Variants in PLCB4 observed in about 807,000 individuals in gnomAD.
The protein encoded by PLCB4 is 1-phosphatidylinositol 4,5-bisphosphate phosphodiesterase beta-4.
A neutral mutation model predicts 178.8 loss-of-function variants in PLCB4; 77 were observed. The ratio of observed to expected loss-of-function variants is 0.43; its 90% CI spans 0.36 to 0.52. PLCB4 has a LOEUF of 0.52. Among genes scored for constraint, PLCB4 ranks in the 20% least tolerant of loss-of-function variants. The pLI, the probability that PLCB4 is intolerant of heterozygous loss-of-function variation, is 0.00. For synonymous variants in PLCB4, 496 were observed against 490.8 expected (o/e 1.01, Z -0.14); for missense variants, 1,024 against 1,453.4 (o/e 0.70, Z 4.80).
chr20:9,476,827 AT>A, intron 39 of PLCB4, 74 bp downstream of exon 39: 1 of 971,740 alleles, frequency 1.0e-6, no homozygotes, highest in Non-Finnish European at 1.7e-6. Flanking sequence ...TGCAGTCTCC[AT>A]TTATGAGTCA....
chr20:9,464,927 T>G (rs954398249), intron 35 of PLCB4, among the ~76,000 whole-genome samples: 2 of 152,204 alleles, frequency 1.3e-5, no homozygotes, highest in African/African-American at 2.4e-5. Flanking sequence ...CCCTAACTCA[T>G]TCTATGAGGC....
At chr20:9,257,302 A>C (rs956078013) in intron 3 of PLCB4, among the ~76,000 whole-genome samples, 2 of 152,230 alleles carry the variant, frequency 1.3e-5, no homozygotes, top group Non-Finnish European at 2.9e-5. Flanking sequence ...ATGTCCTAAA[A>C]TGACACAAGT....
chr20:9,447,898 A>G (rs1485779372), intron 32 of PLCB4, among the ~76,000 whole-genome samples: 13 of 152,128 alleles, frequency 8.5e-5, no homozygotes, highest in Admixed American at 6.5e-4. Flanking sequence ...GCAATCATGA[A>G]CCTATCAGGG....
chr20:9,177,082 G>C (rs903855567), intron 2 of PLCB4, among the ~76,000 whole-genome samples: 1 of 152,012 alleles, frequency 6.6e-6, no homozygotes, highest in Non-Finnish European at 1.5e-5. Flanking sequence ...ATCAAATAAG[G>C]AATCAAATGA....
Position 9,109,762 on chromosome 20 carries a change from C to T in PLCB4, c.-79+13420C>T, listed in dbSNP as rs565526050. Among the ~76,000 whole-genome samples the T allele has an allele frequency of 6.6e-4, 100 of 152,226 alleles. 1 individual carries two copies. Among genetic ancestry groups the T allele is most frequent in the African/African-American group, 2.3e-3 (96 of 41,552 alleles). On this transcript the variant is annotated intron_variant, in intron 2 of 39. Coordinates refer to ENST00000378473, the MANE Select transcript of PLCB4 (RefSeq NM_001377142.1). Reference sequence around the variant, plus strand: ...AGTTCGTTCTCACATAAATATTATCCTTTTTTTCTTGCCAGGACTGAACTG... The same window carrying T: ...AGTTCGTTCTCACATAAATATTATCTTTTTTTTCTTGCCAGGACTGAACTG...
chr20:9,166,249 A>G (rs2092968202), intron 2 of PLCB4: 1 of 152,016 alleles, frequency 6.6e-6, no homozygotes, highest in Non-Finnish European at 1.5e-5. Context: ...TGGCCTTCCA[A>G]TTTTACTCTT....
At chr20:9,476,060 G>A (rs1474670) in intron 38 of PLCB4, among the ~76,000 whole-genome samples, 5 of 151,860 alleles carry the variant, frequency 3.3e-5, no homozygotes, top group African/African-American at 9.7e-5. Flanking sequence ...ACTCCTAATC[G>A]GTGTCCCAAA....
At chr20:9,338,789 C>T in intron 6 of PLCB4, 105 bp from the exon 7 acceptor site, 1 of 814,448 alleles carries the variant, frequency 1.2e-6, no homozygotes, top group Non-Finnish European at 2.0e-6. Context: ...TGTCTGGGCC[C>T]TTATGTTTAT....
At chr20:9,250,323 A>G (rs567426720) in intron 3 of PLCB4, among the ~76,000 whole-genome samples, 1 of 152,316 alleles carries the variant, frequency 6.6e-6, no homozygotes, top group South Asian at 2.1e-4. Context: ...GTACCCACAA[A>G]CCTTCCTTAA....
At chr20:9,166,554 G>A (rs1028000127) in intron 2 of PLCB4, 1 of 152,124 alleles carries the variant, frequency 6.6e-6, no homozygotes, top group Non-Finnish European at 1.5e-5. Context: ...TCATCCCGAG[G>A]CTCCTGCCCC....
At chr20:9,470,094 C>T (rs934155486) in intron 36 of PLCB4, among the ~76,000 whole-genome samples, 7 of 151,954 alleles carry the variant, frequency 4.6e-5, no homozygotes, top group Admixed American at 2.0e-4. Flanking sequence ...TTTGGGAGGC[C>T]GAGGTGGGCA....
chr20:9,124,714 G>C lies in PLCB4; in HGVS notation c.-79+28372G>C, dbSNP rs527662859. Among the ~76,000 whole-genome samples, 29 of 152,256 alleles carry C rather than the reference G, an allele frequency of 1.9e-4. 1 individual carries two copies. In the South Asian group the frequency reaches 6.0e-3, roughly 32 times the overall value. On this transcript the variant is annotated intron_variant, in intron 2 of 39. Coordinates refer to ENST00000378473, the MANE Select transcript of PLCB4 (RefSeq NM_001377142.1). The stretch of plus-strand genomic sequence containing the variant: ...GGTTTCAAGTACTGGAGAGTCCAAG[G>C]GGGTCTTAGTGTTGTGACCAATTCA...
At chr20:9,392,803 G>A (rs2038250232) in intron 17 of PLCB4, among the ~76,000 whole-genome samples, 1 of 149,366 alleles carries the variant, frequency 6.7e-6, no homozygotes, top group Admixed American at 6.8e-5. Context: ...TTCAACAAAG[G>A]GTTTTATTTG....
At chr20:9,246,658 A>G (rs955978233) in intron 3 of PLCB4, among the ~76,000 whole-genome samples, 2 of 151,804 alleles carry the variant, frequency 1.3e-5, no homozygotes, top group South Asian at 2.1e-4. Context: ...TTTTGGAGGT[A>G]TGGGTCACTC....
At chr20:9,454,728 C>G (rs1239565987) in intron 33 of PLCB4, among the ~76,000 whole-genome samples, 1 of 152,162 alleles carries the variant, frequency 6.6e-6, no homozygotes, top group African/African-American at 2.4e-5. Flanking sequence ...GACATGAAAC[C>G]AATGTAATTT....
chr20:9,280,142 G>A (rs2094482089), intron 3 of PLCB4, among the ~76,000 whole-genome samples: 1 of 151,972 alleles, frequency 6.6e-6, no homozygotes, highest in South Asian at 2.1e-4. Flanking sequence ...TGCATAAAAA[G>A]CTGCCTTCTG....
At chr20:9,191,556 A>G (rs967196790) in intron 2 of PLCB4, among the ~76,000 whole-genome samples, 1 of 152,054 alleles carries the variant, frequency 6.6e-6, no homozygotes, top group African/African-American at 2.4e-5. Context: ...TAGAATCATG[A>G]ACAGACTAAC....
intron 3 of PLCB4, among the ~76,000 whole-genome samples, chr20:9,234,000 C>A (rs1219236061): frequency 6.6e-6 from 1 of 151,966 alleles, no homozygotes; most frequent in Non-Finnish European, 1.5e-5. Context: ...TGGATTAACA[C>A]AAGAGTAAAG....
chr20:9,357,710 C>T lies in PLCB4; in HGVS notation c.370-5186C>T, dbSNP rs565158337. Among the ~76,000 whole-genome samples the T allele has an allele frequency of 1.7e-4, 26 of 152,250 alleles. 1 individual carries two copies. The highest frequency in any genetic ancestry group is 6.3e-4 in the African/African-American group (26 of 41,532). ...ACTGCATGAGGACATAGCTAGAAGG[C>T]ACTACCTATGAACTAGAAAGCTGCC... On this transcript the variant is annotated intron_variant, in intron 7 of 39. Coordinates refer to ENST00000378473, the MANE Select transcript of PLCB4 (RefSeq NM_001377142.1).
Sources: gnomAD v4.1 joint callset for allele counts (sites outside exome capture counted in the v4.1 genomes callset) on GRCh38, gnomAD v4.1.1 for gene constraint, MANE v1.5 for transcripts, NCBI Gene and HGNC (gene_info 2026-07-23, HGNC 2026-07-21) for gene names.